The following CACNG7 variants were observed in gnomAD, a reference collection of about 807,000 sequenced individuals.
The protein encoded by CACNG7 is voltage-dependent calcium channel gamma-7 subunit.
Under a neutral mutation model 26.3 loss-of-function variants are expected in CACNG7, and 9 were observed. The observed-to-expected ratio is 0.34, with a 90% CI of 0.21 to 0.60. The LOEUF is 0.60. Among genes scored for constraint, CACNG7 ranks in the 20% least tolerant of loss-of-function variants. The probability of loss-of-function intolerance (pLI) is 0.81; values close to 1 mark genes in which losing one functional copy is unlikely to be tolerated. For synonymous variants in CACNG7, 170 were observed against 157.0 expected, an observed-to-expected ratio of 1.08 and a Z score of -0.62; for missense variants, 297 against 380.4, an observed-to-expected ratio of 0.78 and a Z score of 1.82.
At position 53,939,699 on chromosome 19, in the gene CACNG7, C is replaced by T. The variant is rs1356510624; in HGVS notation, c.425-1771C>T. On this transcript the variant is annotated intron_variant, in intron 4 of 5. Coordinates refer to ENST00000391767, the MANE Select transcript of CACNG7 (RefSeq NM_031896.5). This position sits in a 1 kb window ranked among gnomAD's most constrained non-coding sequence, Gnocchi z 4.2. Reference sequence around the variant, plus strand: ...CAGCTGATGGGCATTTGGGCTGTTTCCGCTTTTTGGCTATTACGCATAACG... The same window carrying T: ...CAGCTGATGGGCATTTGGGCTGTTTTCGCTTTTTGGCTATTACGCATAACG... Among the ~76,000 whole-genome samples, 1 of 152,130 alleles carries T rather than the reference C, an allele frequency of 6.6e-6. No individual in the cohort carries two copies. Among genetic ancestry groups the T allele is most frequent in the South Asian group, 2.1e-4 (1 of 4,832 alleles).
At chr19:53,921,637 C>T (rs1299821819) in intron 4 of CACNG7, among the ~76,000 whole-genome samples, 2 of 85,752 alleles carry the variant, frequency 2.3e-5, no homozygotes, top group Non-Finnish European at 4.4e-5. Flanking sequence ...GGAGTCGTCC[C>T]CAGGTCTGGT....
At chr19:53,937,576 TCCC>T (rs2069112695) in intron 4 of CACNG7, among the ~76,000 whole-genome samples, 4 of 79,942 alleles carry the variant, frequency 5.0e-5, no homozygotes, top group African/African-American at 1.1e-4. Context: ...CCCCTTCCCT[TCCC>T]TCCCCTCCCC....
chr19:53,924,121 C>T (rs571233495), intron 4 of CACNG7, among the ~76,000 whole-genome samples: 1 of 144,890 alleles, frequency 6.9e-6, no homozygotes, highest in African/African-American at 2.7e-5. Flanking sequence ...TGGACTTGCC[C>T]CAGGTCTGGT....
intron 4 of CACNG7, among the ~76,000 whole-genome samples, chr19:53,921,545 T>C (rs1490962750): frequency 7.8e-6 from 1 of 128,312 alleles, no homozygotes; most frequent in African/African-American, 3.3e-5. Flanking sequence ...TGGTCATTGG[T>C]GGAGTTGCCC....
intron 4 of CACNG7, among the ~76,000 whole-genome samples, chr19:53,921,727 TC>T (rs1298335010): frequency 4.3e-5 from 4 of 92,820 alleles, no homozygotes; most frequent in Admixed American, 9.9e-5. Flanking sequence ...CCCAGGCTGG[TC>T]ATTGGTGGAG....
At chr19:53,928,552 G>C (rs1375603005) in intron 4 of CACNG7, among the ~76,000 whole-genome samples, 2 of 152,038 alleles carry the variant, frequency 1.3e-5, no homozygotes, top group Non-Finnish European at 2.9e-5. Context: ...TGAGATTACA[G>C]GCATGAGCCA....
chr19:53,921,495 AGTTG>A (rs2068951611), intron 4 of CACNG7, among the ~76,000 whole-genome samples: 1 of 135,424 alleles, frequency 7.4e-6, no homozygotes, highest in African/African-American at 2.9e-5. Context: ...TCATTGGTGG[AGTTG>A]CCCCAGGTCT....
intron 4 of CACNG7, among the ~76,000 whole-genome samples, chr19:53,933,111 G>A (rs2069084081): frequency 6.6e-6 from 1 of 151,606 alleles, no homozygotes; most frequent in African/African-American, 2.4e-5. Context: ...ACTGAGCCCA[G>A]CCTTTTCTTT....
intron 4 of CACNG7, among the ~76,000 whole-genome samples, chr19:53,922,255 TCCCCAGGTCTGGTCATTGGTGCAGTTG>T (rs2068965600): frequency 7.3e-5 from 4 of 54,756 alleles, no homozygotes; most frequent in Admixed American, 1.4e-4. Context: ...GGTGGAGTTG[TCCCCAGGTCTGGTCATTGGTGCAGTTG>T]CCCCAGGTCT....
In CACNG7 at chr19:53,912,866, T is replaced by A; in HGVS notation, c.35T>A (p.Leu12Gln). 1 of 1,613,810 alleles carries A rather than the reference T, an allele frequency of 6.2e-7. No individual in the cohort carries two copies. Among genetic ancestry groups the A allele is most frequent in the Non-Finnish European group, 8.5e-7 (1 of 1,180,040 alleles). ...TGCAGCAGCCGCGCCCTGACCCTGCTGAGCAGCGTGTTTGGTGCGTGTGGC... is the reference window on the plus strand; with the variant it reads ...TGCAGCAGCCGCGCCCTGACCCTGCAGAGCAGCGTGTTTGGTGCGTGTGGC... Reference protein sequence around the residue: ...SHCSSRALTLLSSVFGACGLL... With the variant: ...SHCSSRALTLQSSVFGACGLL... The change falls in exon 2 of 6, where the codon CTG (leucine) becomes CAG (glutamine). Residue 12 changes from leucine (L) to glutamine (Q), a missense_variant. Transcript: ENST00000391767. This position sits in a 1 kb window ranked among gnomAD's most constrained non-coding sequence, Gnocchi z 4.6.
intron 4 of CACNG7, among the ~76,000 whole-genome samples, chr19:53,919,313 A>G (rs1308040904): frequency 1.3e-5 from 2 of 152,202 alleles, no homozygotes; most frequent in African/African-American, 2.4e-5. Context: ...AAAGACAGGG[A>G]TTGCCCCAGA....
At chr19:53,918,627 A>C (rs1014280244) in intron 4 of CACNG7, among the ~76,000 whole-genome samples, 1 of 152,220 alleles carries the variant, frequency 6.6e-6, no homozygotes, top group African/African-American at 2.4e-5. Context: ...AACAGTAAGC[A>C]CTGAACACTT....
At chr19:53,917,661 G>A (rs1183989275) in intron 4 of CACNG7, among the ~76,000 whole-genome samples, 1 of 152,210 alleles carries the variant, frequency 6.6e-6, no homozygotes, top group Non-Finnish European at 1.5e-5. Context: ...ATCCTAGAGT[G>A]TGAGAGCGGA....
At chr19:53,928,020 G>C (rs548722067) in intron 4 of CACNG7, among the ~76,000 whole-genome samples, 4 of 151,566 alleles carry the variant, frequency 2.6e-5, no homozygotes, top group Non-Finnish European at 4.4e-5. Context: ...AGTTGAGGGG[G>C]TGGGAGGAGA....
At position 53,915,608 on chromosome 19, in the gene CACNG7, G is replaced by A. The variant is rs1247671387; in HGVS notation, c.424+103G>A. 3.8e-6 allele frequency: 5 copies of A among 1,305,776 alleles called. No individual in the cohort carries two copies. The East Asian group carries it at 7.3e-5, about 19-fold the overall frequency. The allele number at this position is 1,305,776 out of a possible 1,614,324, so 80.9% of individuals were successfully genotyped here. Reference sequence around the variant, plus strand: ...TTCCTTGCTGTGTGGCCTGGGAGGAGGTGCAGACCCTCTCTGAGCCCCACT... The same window carrying A: ...TTCCTTGCTGTGTGGCCTGGGAGGAAGTGCAGACCCTCTCTGAGCCCCACT... On this transcript the variant is annotated intron_variant, in intron 4 of 5. Transcript: ENST00000391767.
At chr19:53,920,169 A>G (rs1226381045) in intron 4 of CACNG7, among the ~76,000 whole-genome samples, 2 of 59,048 alleles carry the variant, frequency 3.4e-5, no homozygotes, top group Admixed American at 3.1e-4. Flanking sequence ...AGTTGTCCCC[A>G]GGCCTGGTAT....
chr19:53,920,037 G>A (rs1210935117), intron 4 of CACNG7, among the ~76,000 whole-genome samples: 1 of 131,496 alleles, frequency 7.6e-6, no homozygotes, highest in East Asian at 2.3e-4. Context: ...ACTTGCCCCA[G>A]GCTGGTCATT....
chr19:53,930,181 A>G (rs1461052385), intron 4 of CACNG7, among the ~76,000 whole-genome samples: 2 of 144,816 alleles, frequency 1.4e-5, no homozygotes, highest in Admixed American at 1.4e-4. Flanking sequence ...TTTTCTCTCT[A>G]TCTCTCTATC....
At chr19:53,923,710 T>TC (rs751077570) in intron 4 of CACNG7, among the ~76,000 whole-genome samples, 5,200 of 58,588 alleles carry the variant, frequency 0.089, 24 homozygotes, top group African/African-American at 0.27. Flanking sequence ...GGTGGAGTTG[T>TC]CCCAGGTCTG....
Sources: gnomAD v4.1 joint callset for allele counts (sites outside exome capture counted in the v4.1 genomes callset) on GRCh38, gnomAD v4.1.1 for gene constraint, Gnocchi (gnomAD v3.1) non-coding constraint, MANE v1.5 for transcripts, NCBI Gene and HGNC (gene_info 2026-07-23, HGNC 2026-07-21) for gene names.